The following MUC17 variants were observed in gnomAD, a reference collection of about 807,000 sequenced individuals.
The protein encoded by MUC17 is mucin-17.
In MUC17, 190 loss-of-function variants were observed where a neutral mutation model predicts 170.3. The observed-to-expected ratio is 1.12, with a 90% confidence interval of 0.99 to 1.26. The LOEUF (loss-of-function observed/expected upper bound fraction) is 1.26. MUC17 is among the 50% of genes most tolerant of loss of function. The pLI, the probability that MUC17 is intolerant of heterozygous loss-of-function variation, is 0.00. For synonymous variants in MUC17, 2,325 were observed against 2,002.5 expected (o/e 1.16, Z -4.30); for missense variants, 6,415 against 5,530.0 (o/e 1.16, Z -5.08).
In MUC17 at chr7:101,039,754, A is replaced by G. The variant is rs753491941; in HGVS notation, c.8338A>G (p.Ile2780Val). Residue 2780 changes from isoleucine to valine, a missense_variant, in exon 3 of 13, where the codon ATA becomes GTA. By Grantham distance (29) the Ile-to-Val change is conservative. Transcript: ENST00000306151. ...TTCAACAACTGCTGTTGACACCAGC[A>G]TACCTGTCACCACTTCTACTGAAGC... ...TVSTTAVDTS[I>V]PVTTSTEASS... 1.2e-6 allele frequency: 2 copies of G among 1,610,454 alleles called. No individual in the cohort carries two copies. Among genetic ancestry groups the G allele is most frequent in the Non-Finnish European group, 1.7e-6 (2 of 1,177,960 alleles).
rs1794392673 is a variant in MUC17, at chr7:101,034,376, G to T, written c.2960G>T (p.Ser987Ile). Reference protein sequence around the residue: ...TPSEGTTPLTSTPVSHTLVAN... With the variant: ...TPSEGTTPLTITPVSHTLVAN... ...AGTGAAGGAACGACTCCATTAACAA[G>T]CACACCTGTCAGCCACACGCTGGTG... The change falls in exon 3 of 13, where the codon AGC becomes ATC. Residue 987 changes from serine (S) to isoleucine (I), a missense_variant. By Grantham distance (142) the Ser-to-Ile change is moderately radical. Transcript: ENST00000306151. 1.9e-6 allele frequency: 3 copies of T among 1,608,442 alleles called. No individual in the cohort carries two copies. Among genetic ancestry groups the T allele is most frequent in the Admixed American group, 1.7e-5 (1 of 59,500 alleles).
Position 101,042,970 on chromosome 7 carries a change from G to A in MUC17, c.11554G>A (p.Ala3852Thr), listed in dbSNP as rs767938022. 18 of 1,613,932 alleles carry A rather than the reference G, an allele frequency of 1.1e-5. No individual in the cohort carries two copies. The South Asian group carries it at 1.3e-4, about 12-fold the overall frequency. The stretch of plus-strand genomic sequence containing the variant: ...CACACCTTTGCTCACCTCTACCAAA[G>A]CCGGTTCATTCTCCATACCTGCTGA... ...TSTPLLTSTK[A>T]GSFSIPAEVT... is the part of the protein sequence containing the mutation. Residue 3852 changes from alanine (A) to threonine (T), a missense_variant, in exon 3 of 13, where the codon GCC becomes ACC. Transcript: ENST00000306151.
chr7:101,031,197 C>T lies in MUC17; in HGVS notation c.160C>T (p.Gln54Ter). 1 of 1,613,646 alleles carries T rather than the reference C, an allele frequency of 6.2e-7. No individual in the cohort carries two copies. Among genetic ancestry groups the T allele is most frequent in the Non-Finnish European group, 8.5e-7 (1 of 1,179,808 alleles). ...QGDVLNRQCQQLSQHVRTGSA... is the reference protein window; with the variant it reads ...QGDVLNRQCQ The stretch of plus-strand genomic sequence containing the variant: ...GGACGTCTTGAACCGTCAGTGCCAG[C>T]AGCTGTCTCAGCACGTTAGGACAGG... The change falls in exon 2 of 13, where the codon CAG (glutamine) becomes TAG (stop). Residue 54 changes from glutamine (Q) to a stop codon, truncating the protein, a stop_gained. Coordinates refer to ENST00000306151, the MANE Select transcript of MUC17 (RefSeq NM_001040105.2). LOFTEE classifies it high-confidence loss of function.
rs201195011 is a variant in MUC17, at chr7:101,036,047, C to G, written c.4631C>G (p.Pro1544Arg). The G allele has an allele frequency of 6.2e-7, 1 of 1,612,628 alleles. No homozygotes were observed. The highest frequency in any genetic ancestry group is 8.5e-7 in the Non-Finnish European group (1 of 1,179,156). ...ACAACTCCTGCTGTCACCAGCACAC[C>G]TGTGACCACTTATTCTCAAGCCAGT... ...LSTTPAVTSTPVTTYSQASSS... is the reference protein window; with the variant it reads ...LSTTPAVTSTRVTTYSQASSS... Residue 1544 changes from proline (P) to arginine (R), a missense_variant, in exon 3 of 13, where the codon CCT (proline) becomes CGT (arginine). Coordinates refer to ENST00000306151, the MANE Select transcript of MUC17 (RefSeq NM_001040105.2).
chr7:101,035,115 T>C lies in MUC17; in HGVS notation c.3699T>C (p.Ser1233=). ...SMPVRHTPVA[S]SEASTLSTSP... is the part of the protein sequence containing the mutation. ...CTGTCAGACACACGCCAGTGGCCAGTTCTGAGGCTAGCACCCTTTCAACAT... is the reference window on the plus strand; with the variant it reads ...CTGTCAGACACACGCCAGTGGCCAGCTCTGAGGCTAGCACCCTTTCAACAT... The change falls in exon 3 of 13, where the codon AGT becomes AGC. Residue 1233 remains serine, a synonymous_variant. Coordinates refer to ENST00000306151, the MANE Select transcript of MUC17 (RefSeq NM_001040105.2). The C allele has an allele frequency of 6.2e-7, 1 of 1,612,064 alleles. No individual in the cohort carries two copies.
intron 11 of MUC17, among the ~76,000 whole-genome samples, chr7:101,055,238 G>A (rs1345384595): frequency 2.0e-5 from 3 of 151,846 alleles, no homozygotes. Context: ...TTAAACTCTA[G>A]TTTAAAAAGG....
At chr7:101,048,694 A>T in intron 4 of MUC17, 151 bp from the exon 5 acceptor site, 1 of 701,950 alleles carries the variant, frequency 1.4e-6, no homozygotes, top group Non-Finnish European at 2.4e-6. Flanking sequence ...AAGAAAAGGA[A>T]ATAAAACAAG....
chr7:101,042,656 T>A lies in MUC17; in HGVS notation c.11240T>A (p.Met3747Lys). 1 of 1,614,040 alleles carries A rather than the reference T, an allele frequency of 6.2e-7. No homozygotes were observed. The highest frequency in any genetic ancestry group is 8.5e-7 in the Non-Finnish European group (1 of 1,180,026). Residue 3747 changes from methionine to lysine, a missense_variant, in exon 3 of 13, where the codon ATG (methionine) becomes AAG (lysine). Transcript: ENST00000306151. The stretch of plus-strand genomic sequence containing the variant: ...GACAGCACCACCATGTCTGTGTCAA[T>A]GCCCATGGAAATAAGCACCCTTGGG... Reference protein sequence around the residue: ...TLDSTTMSVSMPMEISTLGTT... With the variant: ...TLDSTTMSVSKPMEISTLGTT...
Position 101,033,649 on chromosome 7 carries a change from G to T in MUC17, c.2233G>T (p.Gly745Ter), listed in dbSNP as rs201342096. The change falls in exon 3 of 13, where the codon GGA (glycine) becomes TGA (stop). Residue 745 changes from glycine to a stop codon, truncating the protein, a stop_gained. Coordinates refer to ENST00000306151, the MANE Select transcript of MUC17 (RefSeq NM_001040105.2). LOFTEE classifies it high-confidence loss of function. ...ASMPTSTPSE[G>*]STPLTSMPVS... ...TATGCCAACCTCAACTCCTAGTGAA[G>T]GAAGCACTCCATTAACAAGTATGCC... The T allele has an allele frequency of 2.3e-4, 370 of 1,613,410 alleles. 1 individual carries two copies. The highest frequency in any genetic ancestry group is 2.5e-5 in the Non-Finnish European group (29 of 1,179,846).
rs1794554691 is a variant in MUC17, at chr7:101,038,217, C to T, written c.6801C>T (p.Thr2267=). 3 of 1,613,098 alleles carry T rather than the reference C, an allele frequency of 1.9e-6. No individual in the cohort carries two copies. The highest frequency in any genetic ancestry group is 1.1e-5 in the South Asian group (1 of 91,016). Residue 2267 remains threonine (T), a synonymous_variant, in exon 3 of 13, where the codon ACC becomes ACT. Coordinates refer to ENST00000306151, the MANE Select transcript of MUC17 (RefSeq NM_001040105.2). ...CATCTCCTACAACTGCTGAAGGTAC[C>T]AGCATACCAACTTCAACTCTTAGTG... ...ATSSPTTAEG[T]SIPTSTLSEG...
chr7:101,051,591 G>T, intron 7 of MUC17, 22 bp from the exon 8 acceptor site: 1 of 1,612,688 alleles, frequency 6.2e-7, no homozygotes, highest in Non-Finnish European at 8.5e-7. Context: ...GTCGTGAGGG[G>T]TTTTATGTGT....
chr7:101,029,822 C>A (rs1313141836), intron 1 of MUC17, among the ~76,000 whole-genome samples: 1 of 152,108 alleles, frequency 6.6e-6, no homozygotes, highest in Non-Finnish European at 1.5e-5. Context: ...TGGTCTTGAA[C>A]TCCTGACCTC....
At chr7:101,027,260 G>C (rs761682427) in intron 1 of MUC17, among the ~76,000 whole-genome samples, 1 of 151,932 alleles carries the variant, frequency 6.6e-6, no homozygotes, top group Non-Finnish European at 1.5e-5. Context: ...GAGGTTGGGG[G>C]TGGGGCACCT....
Position 101,038,142 on chromosome 7 carries a change from A to T in MUC17, c.6726A>T (p.Ala2242=). The T allele has an allele frequency of 4.3e-6, 7 of 1,613,672 alleles. No individual in the cohort carries two copies. Among genetic ancestry groups the T allele is most frequent in the Non-Finnish European group, 5.9e-6 (7 of 1,179,878 alleles). Residue 2242 remains alanine, a synonymous_variant, in exon 3 of 13, where the codon GCA becomes GCT. Transcript: ENST00000306151. ...CTTCTGAGGCTAGCACCCTTTCAGCAACTCCTGTTGACACCAGCACACCTG... is the reference window on the plus strand; with the variant it reads ...CTTCTGAGGCTAGCACCCTTTCAGCTACTCCTGTTGACACCAGCACACCTG... The part of the protein sequence containing the change: ...VVTSEASTLS[A]TPVDTSTPVT...
Position 101,042,065 on chromosome 7 carries a change from G to C in MUC17, c.10649G>C (p.Ser3550Thr), listed in dbSNP as rs761332669. The change falls in exon 3 of 13, where the codon AGT (serine) becomes ACT (threonine). Residue 3550 changes from serine to threonine, a missense_variant. By Grantham distance (58) the Ser-to-Thr change is moderately conservative. Coordinates refer to ENST00000306151, the MANE Select transcript of MUC17 (RefSeq NM_001040105.2). ...GTTGACTCCAACACTTTTGTTACCA[G>C]TTCTAGTCAAGCCAGTTCATCTCCA... is the stretch of plus-strand genomic sequence containing the variant. Reference protein sequence around the residue: ...TPVDSNTFVTSSSQASSSPAT... With the variant: ...TPVDSNTFVTTSSQASSSPAT... 3.1e-6 allele frequency: 5 copies of C among 1,612,990 alleles called. No individual in the cohort carries two copies. The highest frequency in any genetic ancestry group is 4.2e-6 in the Non-Finnish European group (5 of 1,179,718).
At chr7:101,047,230 G>A (rs1001764946) in intron 3 of MUC17, among the ~76,000 whole-genome samples, 13 of 152,214 alleles carry the variant, frequency 8.5e-5, no homozygotes, top group African/African-American at 2.9e-4. Context: ...TTTCCAAAGC[G>A]GGTGTTGAGG....
In MUC17 at chr7:101,040,418, G is replaced by T. The variant is rs541535989; in HGVS notation, c.9002G>T (p.Ser3001Ile). 1.4e-4 allele frequency: 232 copies of T among 1,611,440 alleles called. 6 individuals carry two copies. The South Asian group carries it at 2.4e-3, about 17-fold the overall frequency. The change falls in exon 3 of 13, where the codon AGT (serine) becomes ATT (isoleucine). Residue 3001 changes from serine (S) to isoleucine (I), a missense_variant. Ser to Ile is a moderately radical substitution (Grantham distance 142, BLOSUM62 -2). Coordinates refer to ENST00000306151, the MANE Select transcript of MUC17 (RefSeq NM_001040105.2). ...SMSVSTMPVA[S>I]SEASTLSRTP... is the part of the protein sequence containing the mutation. ...TCTGTCAGCACCATGCCGGTGGCCA[G>T]TTCTGAGGCTAGCACCCTTTCAAGA...
intron 10 of MUC17, 36 bp from the exon 11 acceptor site, chr7:101,053,290 TTCCTGTTCCCCAA>T (rs1794987349): frequency 1.3e-6 from 2 of 1,595,006 alleles, no homozygotes. Context: ...CTGGTCCTTA[TTCCTGTTCCCCAA>T]TCCTAATGGG....
In MUC17 at chr7:101,041,883, G is replaced by A. The variant is rs1296219181; in HGVS notation, c.10467G>A (p.Val3489=). ...STTPVDTSTP[V]TTSSPTNSSP... ...CTCCTGTTGACACCAGCACACCTGT[G>A]ACCACTTCTTCTCCAACCAATTCAT... Residue 3489 remains valine, a synonymous_variant, in exon 3 of 13, where the codon GTG becomes GTA. Transcript: ENST00000306151. 1 of 1,604,756 alleles carries A rather than the reference G, an allele frequency of 6.2e-7. No homozygotes were observed. The highest frequency in any genetic ancestry group is 8.5e-7 in the Non-Finnish European group (1 of 1,176,942).
Sources: allele counts gnomAD v4.1 joint callset (sites outside exome capture counted in the v4.1 genomes callset), GRCh38; gene constraint gnomAD v4.1.1; transcripts MANE v1.5; gene names NCBI Gene and HGNC (gene_info 2026-07-23, HGNC 2026-07-21).